The following GRID1 variants were observed in gnomAD, a reference collection of about 807,000 sequenced individuals.
The protein encoded by GRID1 is glutamate receptor ionotropic, delta-1.
In GRID1, 28 loss-of-function variants were observed where a neutral mutation model predicts 98.0. That is an observed-to-expected ratio of 0.29 (90% CI 0.21 to 0.39). The LOEUF (loss-of-function observed/expected upper bound fraction) is 0.39, where lower values mean the gene tolerates loss of function less well. Among genes scored for constraint, GRID1 ranks in the 10% least tolerant of loss-of-function variants. GRID1 has a pLI of 1.00. For synonymous variants in GRID1, 553 were observed against 538.5 expected, an observed-to-expected ratio of 1.03 and a Z score of -0.37; for missense variants, 1,111 against 1,340.5, an observed-to-expected ratio of 0.83 and a Z score of 2.67.
At chr10:85,664,977 A>G (rs1841003293) in intron 12 of GRID1, among the ~76,000 whole-genome samples, 1 of 152,204 alleles carries the variant, frequency 6.6e-6, no homozygotes, top group African/African-American at 2.4e-5. Flanking sequence ...AATATATTGT[A>G]TAACACAGTA....
chr10:85,640,657 A>T (rs1843105696), intron 13 of GRID1, among the ~76,000 whole-genome samples: 1 of 152,226 alleles, frequency 6.6e-6, no homozygotes, highest in South Asian at 2.1e-4. Context: ...GAAGACTGCC[A>T]TCCTTCTAGG....
chr10:86,342,030 A>C (rs1848317856), intron 2 of GRID1, among the ~76,000 whole-genome samples: 1 of 152,154 alleles, frequency 6.6e-6, no homozygotes. Context: ...GAGCTTTTAA[A>C]GAAGAGTCAC....
chr10:86,215,417 T>C (rs1177861642), intron 2 of GRID1, among the ~76,000 whole-genome samples: 1 of 152,182 alleles, frequency 6.6e-6, no homozygotes, highest in Non-Finnish European at 1.5e-5. Flanking sequence ...CTCCTGCAGA[T>C]TGGAAACAGG....
chr10:86,330,623 G>A (rs957022128), intron 2 of GRID1, among the ~76,000 whole-genome samples: 3 of 152,180 alleles, frequency 2.0e-5, no homozygotes, highest in African/African-American at 7.2e-5. Context: ...CCACAGCGCC[G>A]AGCAGCAAGT....
chr10:85,912,490 G>A (rs1010331080), intron 5 of GRID1, among the ~76,000 whole-genome samples: 2 of 150,740 alleles, frequency 1.3e-5, no homozygotes, highest in Non-Finnish European at 2.9e-5. Context: ...AAATAAAAAC[G>A]TGTGCCCTCA....
At position 85,697,855 on chromosome 10, in the gene GRID1, A is replaced by G. The variant is rs117632280; in HGVS notation, c.1997+25148T>C. ...AAAACACTTAGAGATCTAGTCATAT[A>G]CGGATTCTGATCCAGGATATCTGAG... On this transcript the variant is annotated intron_variant, in intron 12 of 15. Transcript: ENST00000327946. 3.6e-4 allele frequency among the ~76,000 whole-genome samples: 55 copies of G among 152,302 alleles called. 1 individual carries two copies. Among genetic ancestry groups the G allele is most frequent in the Admixed American group, 1.9e-3 (29 of 15,282 alleles).
intron 8 of GRID1, among the ~76,000 whole-genome samples, chr10:85,757,895 G>T (rs994494291): frequency 1.3e-5 from 2 of 152,216 alleles, no homozygotes; most frequent in African/African-American, 2.4e-5. Flanking sequence ...TGCTACACTG[G>T]CAAGTATTCT....
At chr10:85,982,675 TG>T (rs1842560482) in intron 4 of GRID1, among the ~76,000 whole-genome samples, 1 of 152,186 alleles carries the variant, frequency 6.6e-6, no homozygotes, top group Non-Finnish European at 1.5e-5. Context: ...CAGTATCACA[TG>T]GGTATCCAGT....
At chr10:85,932,385 T>C (rs1248120088) in intron 4 of GRID1, among the ~76,000 whole-genome samples, 1 of 152,172 alleles carries the variant, frequency 6.6e-6, no homozygotes, top group Non-Finnish European at 1.5e-5. Flanking sequence ...TTAATTTTCT[T>C]TTTAATTTTT....
intron 2 of GRID1, among the ~76,000 whole-genome samples, chr10:86,327,390 T>C (rs543978951): frequency 7.9e-5 from 12 of 152,206 alleles, no homozygotes; most frequent in African/African-American, 2.4e-4. Context: ...GACCCCACCA[T>C]TGGACAACAG....
intron 2 of GRID1, among the ~76,000 whole-genome samples, chr10:86,239,437 T>C (rs1038358293): frequency 4.6e-5 from 7 of 152,190 alleles, no homozygotes; most frequent in African/African-American, 1.7e-4. Context: ...TAGTTAAGAC[T>C]TGGGGGACTG....
At chr10:85,861,751 G>C (rs1843165726) in intron 6 of GRID1, among the ~76,000 whole-genome samples, 1 of 152,222 alleles carries the variant, frequency 6.6e-6, no homozygotes, top group South Asian at 2.1e-4. Context: ...AAGGCCAGCT[G>C]CAGTCCAGCA....
At chr10:86,323,255 C>T (rs1265064974) in intron 2 of GRID1, among the ~76,000 whole-genome samples, 1 of 152,208 alleles carries the variant, frequency 6.6e-6, no homozygotes, top group East Asian at 1.9e-4. Flanking sequence ...TGTGGGGCTT[C>T]TCTTCACTCA....
intron 3 of GRID1, among the ~76,000 whole-genome samples, chr10:86,186,176 C>G (rs1257752782): frequency 6.6e-6 from 1 of 152,124 alleles, no homozygotes; most frequent in Non-Finnish European, 1.5e-5. Flanking sequence ...TTGTCTATTT[C>G]AGCTTAGTTG....
At chr10:86,136,902 T>C (rs1466939814) in intron 4 of GRID1, among the ~76,000 whole-genome samples, 2 of 152,134 alleles carry the variant, frequency 1.3e-5, no homozygotes, top group Non-Finnish European at 2.9e-5. Context: ...AACCTCAGCA[T>C]CACACAAGAT....
intron 12 of GRID1, among the ~76,000 whole-genome samples, chr10:85,670,222 T>G (rs940696291): frequency 6.6e-6 from 1 of 152,188 alleles, no homozygotes; most frequent in African/African-American, 2.4e-5. Context: ...TTCACCCATC[T>G]TTTTCCATCT....
chr10:86,052,442 G>A (rs1301960118), intron 4 of GRID1: 2 of 152,182 alleles, frequency 1.3e-5, no homozygotes, highest in African/African-American at 2.4e-5. Flanking sequence ...TTCAAAGACA[G>A]ATGATGTCTG....
intron 4 of GRID1, among the ~76,000 whole-genome samples, chr10:85,957,994 C>A (rs1405647352): frequency 6.6e-6 from 1 of 152,198 alleles, no homozygotes; most frequent in Non-Finnish European, 1.5e-5. Context: ...TGAAACTCCC[C>A]CTAAGGGAGT....
rs1847583837 is a variant in GRID1, at chr10:86,295,997, G to A, written c.235+67944C>T. 2.0e-5 allele frequency among the ~76,000 whole-genome samples: 3 copies of A among 152,204 alleles called. No homozygotes were observed. In the South Asian group the frequency reaches 6.2e-4, roughly 31 times the overall value. On this transcript the variant is annotated intron_variant, in intron 2 of 15. Coordinates refer to ENST00000327946, the MANE Select transcript of GRID1 (RefSeq NM_017551.3). ...CCTCCTGTTGCCAGAGAGGTTTGAG[G>A]GGCTTAGCTCAGCTCGGCCCTAGCT...
Sources: gnomAD v4.1 joint callset for allele counts (sites outside exome capture counted in the v4.1 genomes callset) on GRCh38, gnomAD v4.1.1 for gene constraint, MANE v1.5 for transcripts, NCBI Gene and HGNC (gene_info 2026-07-23, HGNC 2026-07-21) for gene names.